Variants in TTC29 observed in about 807,000 individuals in gnomAD.
TTC29 encodes the protein tetratricopeptide repeat protein 29.
A neutral mutation model predicts 58.1 loss-of-function variants in TTC29; 49 were observed. That is an observed-to-expected ratio of 0.84 (90% CI 0.67 to 1.07). The LOEUF (loss-of-function observed/expected upper bound fraction) is 1.07. Ranked by LOEUF, TTC29 falls within the 50% of genes least tolerant of loss-of-function variation. The pLI is 0.00. For missense variants in TTC29, 582 were observed against 555.6 expected (o/e 1.05, Z -0.48); for synonymous variants, 209 against 196.8 (o/e 1.06, Z -0.52).
chr4:146,719,189 G>GGTGTGT (rs60552473), intron 11 of TTC29, among the ~76,000 whole-genome samples: 2,939 of 144,146 alleles, frequency 0.02, 65 homozygotes, highest in Admixed American at 0.065. Flanking sequence ...TGGCTATTGG[G>GGTGTGT]GTGTGTGTGT....
chr4:146,918,302 G>A (rs1180633751), intron 4 of TTC29, among the ~76,000 whole-genome samples: 1 of 150,842 alleles, frequency 6.6e-6, no homozygotes, highest in South Asian at 2.1e-4. Context: ...AAGGAATAAA[G>A]TTTATCCTCT....
intron 9 of TTC29, among the ~76,000 whole-genome samples, chr4:146,825,872 T>C (rs896685160): frequency 5.3e-5 from 8 of 152,170 alleles, no homozygotes; most frequent in Non-Finnish European, 8.8e-5. Context: ...TTCTTTGTCT[T>C]TTTGGATCGT....
chr4:146,890,506 A>C (rs1160624301), intron 6 of TTC29, among the ~76,000 whole-genome samples: 3 of 152,194 alleles, frequency 2.0e-5, no homozygotes, highest in African/African-American at 7.2e-5. Context: ...AGAATCACAG[A>C]CACGGTTACA....
rs78271690 is a variant in TTC29, at chr4:146,788,507, T to C, written c.1330+14950A>G. Among the ~76,000 whole-genome samples the C allele has an allele frequency of 1.3e-4, 20 of 152,274 alleles. No homozygotes were observed. The East Asian group carries it at 3.9e-3, about 29-fold the overall frequency. On this transcript the variant is annotated intron_variant, in intron 11 of 12. Transcript: ENST00000325106. ...TCTTACATGCATGTGATTCGTAATA[T>C]AGCTACTGTCTAGGGTTTCCTGTGT... is the stretch of plus-strand genomic sequence containing the variant.
intron 11 of TTC29, among the ~76,000 whole-genome samples, chr4:146,732,348 A>G (rs1202645180): frequency 1.3e-5 from 2 of 152,172 alleles, no homozygotes; most frequent in Non-Finnish European, 2.9e-5. Flanking sequence ...GGAATTTTTG[A>G]TAATTCATAG....
chr4:146,748,516 C>T (rs1295728793), intron 11 of TTC29, among the ~76,000 whole-genome samples: 1 of 152,178 alleles, frequency 6.6e-6, no homozygotes, highest in Non-Finnish European at 1.5e-5. Context: ...TAAGACTCTC[C>T]ACTGTGACAA....
intron 4 of TTC29, among the ~76,000 whole-genome samples, chr4:146,912,186 T>C (rs1733941732): frequency 6.6e-6 from 1 of 152,216 alleles, no homozygotes. Flanking sequence ...AAAGCCATCC[T>C]GGGCCGCATG....
intron 11 of TTC29, among the ~76,000 whole-genome samples, chr4:146,717,842 A>T (rs1259934187): frequency 1.3e-5 from 2 of 152,074 alleles, no homozygotes; most frequent in African/African-American, 2.4e-5. Context: ...TTAAAGAAAA[A>T]ACCTTATTCC....
chr4:146,729,326 C>T (rs1410975059), intron 11 of TTC29, among the ~76,000 whole-genome samples: 1 of 152,082 alleles, frequency 6.6e-6, no homozygotes, highest in Admixed American at 6.6e-5. Flanking sequence ...GTTGACTTTT[C>T]ATTTAACTCT....
intron 11 of TTC29, among the ~76,000 whole-genome samples, chr4:146,790,156 C>T (rs1168798224): frequency 2.2e-4 from 34 of 152,026 alleles, no homozygotes; most frequent in Admixed American, 2.2e-3. Context: ...TAAAACAGCC[C>T]TCACCAAATC....
At chr4:146,826,930 G>A (rs1168535330) in intron 9 of TTC29, among the ~76,000 whole-genome samples, 2 of 151,674 alleles carry the variant, frequency 1.3e-5, no homozygotes, top group Non-Finnish European at 2.9e-5. Flanking sequence ...AAGTTCTCAT[G>A]CTGTGTTTTT....
chr4:146,713,036 A>T (rs990719251), intron 11 of TTC29, among the ~76,000 whole-genome samples: 9 of 151,516 alleles, frequency 5.9e-5, no homozygotes, highest in African/African-American at 1.9e-4. Context: ...TGAAGCCAGA[A>T]AGCAAGTCAG....
chr4:146,924,905 G>A (rs1277920701), intron 4 of TTC29, among the ~76,000 whole-genome samples: 1 of 151,820 alleles, frequency 6.6e-6, no homozygotes, highest in Non-Finnish European at 1.5e-5. Context: ...TTGACATGCT[G>A]TGTTTTCTTT....
rs78360376 is a variant in TTC29 at position 146,750,437 on chromosome 4, C to A, written c.1331-42886G>T. Among the ~76,000 whole-genome samples the A allele has an allele frequency of 4.1e-3, 624 of 152,292 alleles. 3 individuals carry two copies. Among genetic ancestry groups the A allele is most frequent in the African/African-American group, 0.014 (590 of 41,560 alleles). The stretch of plus-strand genomic sequence containing the variant: ...TAAATGCATAGTCAAATCTAGAATA[C>A]TCCTATACTGTAATGGTGGTATGTT... On this transcript the variant is annotated intron_variant, in intron 11 of 12. Transcript: ENST00000325106.
intron 11 of TTC29, among the ~76,000 whole-genome samples, chr4:146,791,848 G>T (rs563145643): frequency 3.3e-5 from 5 of 152,296 alleles, no homozygotes; most frequent in African/African-American, 1.2e-4. Context: ...CTGATATGGA[G>T]AAACTTTTAG....
rs1312300198 is a variant in TTC29, at chr4:146,928,579, G to A, written c.176+9015C>T. Among the ~76,000 whole-genome samples, 5 of 152,192 alleles carry A rather than the reference G, an allele frequency of 3.3e-5. No homozygotes were observed. In the East Asian group the frequency reaches 9.6e-4, roughly 29 times the overall value. On this transcript the variant is annotated intron_variant, in intron 4 of 12. Transcript: ENST00000325106. ...CTACTATGTGGATACTGTTATAGGT[G>A]CTGGAGACTCAGCAGTGAACAAGAC...
chr4:146,876,579 G>C (rs1402662916), intron 6 of TTC29, among the ~76,000 whole-genome samples: 1 of 152,072 alleles, frequency 6.6e-6, no homozygotes, highest in Non-Finnish European at 1.5e-5. Context: ...ATAGAAATAA[G>C]AATAGTATTC....
chr4:146,865,289 C>T lies in TTC29; in HGVS notation c.885+2209G>A, dbSNP rs1254116983. Reference sequence around the variant, plus strand: ...CACATCTGATGAAACTGTTCACTGCCACATCCTTTACAATAAAAGTTATGT... The same window carrying T: ...CACATCTGATGAAACTGTTCACTGCTACATCCTTTACAATAAAAGTTATGT... On this transcript the variant is annotated intron_variant, in intron 8 of 12. Coordinates refer to ENST00000325106, the MANE Select transcript of TTC29 (RefSeq NM_031956.4). Among the ~76,000 whole-genome samples, 3 of 152,216 alleles carry T rather than the reference C, an allele frequency of 2.0e-5. No homozygotes were observed. The East Asian group carries it at 5.8e-4, about 29-fold the overall frequency.
chr4:146,806,115 T>C (rs1725508271), intron 10 of TTC29, among the ~76,000 whole-genome samples: 1 of 152,190 alleles, frequency 6.6e-6, no homozygotes, highest in African/African-American at 2.4e-5. Flanking sequence ...CAACTCAGAA[T>C]TTCATATCCA....
Sources: allele counts gnomAD v4.1 joint callset (sites outside exome capture counted in the v4.1 genomes callset), GRCh38; gene constraint gnomAD v4.1.1; transcripts MANE v1.5; gene names NCBI Gene and HGNC (gene_info 2026-07-23, HGNC 2026-07-21).